The following TTC28 variants were observed in gnomAD, a reference collection of about 807,000 sequenced individuals.
TTC28 encodes the protein tetratricopeptide repeat protein 28.
TTC28 carries 61 observed loss-of-function variants against 198.0 expected under a neutral mutation model. The observed-to-expected ratio is 0.31, with a 90% confidence interval of 0.25 to 0.38. TTC28 has a LOEUF of 0.38. TTC28 is among the 10% of genes least tolerant of loss of function. The pLI, the probability that TTC28 is intolerant of heterozygous loss-of-function variation, is 1.00. For synonymous variants in TTC28, 1,171 were observed against 1,297.8 expected (o/e 0.90, Z 2.10); for missense variants, 2,678 against 3,164.0 (o/e 0.85, Z 3.69).
intron 1 of TTC28, among the ~76,000 whole-genome samples, chr22:28,660,801 G>A (rs1187670663): frequency 2.7e-5 from 4 of 150,818 alleles, no homozygotes; most frequent in Admixed American, 1.3e-4. Context: ...TGGGATTACA[G>A]GCATGAGCCA....
chr22:28,447,254 AAG>A (rs2047716566), intron 2 of TTC28, among the ~76,000 whole-genome samples: 3 of 152,336 alleles, frequency 2.0e-5, no homozygotes, highest in Non-Finnish European at 2.9e-5. Context: ...TTAAAAAAAA[AAG>A]GGAATTGTGA....
chr22:28,167,367 C>T (rs1601417142), intron 5 of TTC28, among the ~76,000 whole-genome samples: 3 of 151,770 alleles, frequency 2.0e-5, no homozygotes, highest in South Asian at 4.2e-4. Context: ...AGAGATACAA[C>T]AAAAAGAGAA....
rs1255054474 is a variant in TTC28, at chr22:28,226,106, T to C, written c.934-62507A>G. Among the ~76,000 whole-genome samples, 3 of 152,366 alleles carry C rather than the reference T, an allele frequency of 2.0e-5. No homozygotes were observed. The South Asian group carries it at 6.2e-4, about 32-fold the overall frequency. On this transcript the variant is annotated intron_variant, in intron 5 of 22. Coordinates refer to ENST00000397906, the MANE Select transcript of TTC28 (RefSeq NM_001145418.2). ...TAGATAAAGCTGCTATGAATGTTCA[T>C]GTACAAATCTTTGTGTAGACGTATG...
intron 1 of TTC28, among the ~76,000 whole-genome samples, chr22:28,660,402 T>A (rs988302643): frequency 2.6e-5 from 4 of 152,174 alleles, no homozygotes; most frequent in African/African-American, 9.7e-5. Context: ...CTCAGCTCAC[T>A]GCAACCTCTG....
At chr22:28,383,267 T>C (rs114879629) in intron 2 of TTC28, among the ~76,000 whole-genome samples, 2,458 of 152,292 alleles carry the variant, frequency 0.016, 89 homozygotes, top group African/African-American at 0.057. Flanking sequence ...ACTTATTACA[T>C]CTATTGCTTT....
intron 13 of TTC28, among the ~76,000 whole-genome samples, chr22:28,019,325 A>G (rs947401461): frequency 1.3e-5 from 2 of 152,166 alleles, no homozygotes; most frequent in African/African-American, 4.8e-5. Flanking sequence ...AATCTCCTCT[A>G]TGTAGGCAAG....
chr22:28,156,786 C>T (rs1229431034), intron 6 of TTC28, among the ~76,000 whole-genome samples: 3 of 152,098 alleles, frequency 2.0e-5, no homozygotes, highest in Non-Finnish European at 4.4e-5. Flanking sequence ...GTTGGGGGTA[C>T]AAAACCTACG....
chr22:27,993,664 A>C, intron 17 of TTC28, 146 bp from the exon 18 acceptor site: 1 of 708,890 alleles, frequency 1.4e-6, no homozygotes, highest in Non-Finnish European at 2.3e-6. Flanking sequence ...TGAGGATGTG[A>C]CACTGGGGCA....
chr22:28,089,931 A>C (rs1401449679), intron 12 of TTC28, among the ~76,000 whole-genome samples: 1 of 151,800 alleles, frequency 6.6e-6, no homozygotes, highest in Non-Finnish European at 1.5e-5. Flanking sequence ...ACATGGACAC[A>C]GGAAGGGGAA....
At position 28,305,353 on chromosome 22, in the gene TTC28, G is replaced by C. The variant is rs555028049; in HGVS notation, c.529+1143C>G. ...CAGCCTGTGGCAAAACCTCAGCTTT[G>C]TAGAGTTTATAAAATCGCATGACAC... On this transcript the variant is annotated intron_variant, in intron 3 of 22. Coordinates refer to ENST00000397906, the MANE Select transcript of TTC28 (RefSeq NM_001145418.2). Among the ~76,000 whole-genome samples, 25 of 152,202 alleles carry C rather than the reference G, an allele frequency of 1.6e-4. No individual in the cohort carries two copies. The East Asian group carries it at 4.8e-3, about 29-fold the overall frequency.
Position 28,107,430 on chromosome 22 carries a change from C to T in TTC28, c.2415G>A (p.Met805Ile), listed in dbSNP as rs948478755. The T allele has an allele frequency of 1.3e-6, 2 of 1,551,716 alleles. No individual in the cohort carries two copies. Among genetic ancestry groups the T allele is most frequent in the Admixed American group, 2.0e-5 (1 of 50,998 alleles). Residue 805 changes from methionine to isoleucine, a missense_variant, in exon 7 of 23, where the codon ATG (methionine) becomes ATA (isoleucine). Around this residue, in one of 8 missense-constraint regions of TTC28, gnomAD observed 775 missense variants for 845.9 expected, o/e 0.92. Transcript: ENST00000397906. ...ATGCCATTGTGTATTTCCCAAGGGC[C>T]ATGTAGACAGCAGCCAGGTGCCCAT... is the stretch of plus-strand genomic sequence containing the variant. ...RAHGHLAAVY[M>I]ALGKYTMAFK...
At chr22:28,119,343 AAC>A (rs1942723327) in intron 6 of TTC28, among the ~76,000 whole-genome samples, 1 of 152,170 alleles carries the variant, frequency 6.6e-6, no homozygotes, top group Non-Finnish European at 1.5e-5. Flanking sequence ...CAAAATAAAA[AAC>A]TGCCACTCCC....
At chr22:28,108,505 G>A in intron 6 of TTC28, 102 bp from the exon 7 acceptor site, 1 of 1,047,472 alleles carries the variant, frequency 9.5e-7, no homozygotes, top group Non-Finnish European at 1.3e-6. Context: ...ATGCAATCCA[G>A]ATGAATTAAA....
At chr22:28,219,462 C>G (rs933020542) in intron 5 of TTC28, among the ~76,000 whole-genome samples, 1 of 150,982 alleles carries the variant, frequency 6.6e-6, no homozygotes, top group Non-Finnish European at 1.5e-5. Context: ...GAGCCAAGAT[C>G]GCACCATTGC....
At chr22:28,020,801 A>G (rs1030066433) in intron 13 of TTC28, among the ~76,000 whole-genome samples, 24 of 151,704 alleles carry the variant, frequency 1.6e-4, no homozygotes, top group Non-Finnish European at 2.6e-4. Context: ...ACACACACAC[A>G]CGCACACACA....
Position 27,993,375 on chromosome 22 carries a change from G to T in TTC28, c.5388C>A (p.Thr1796=). 1 of 1,551,094 alleles carries T rather than the reference G, an allele frequency of 6.4e-7. No individual in the cohort carries two copies. The highest frequency in any genetic ancestry group is 1.2e-5 in the South Asian group (1 of 84,030). ...AGAAGACAGCCGCTGGCAGGCCACT[G>T]GTTGGGGGGTCCAGCCGGAAGCCCA... ...TAVGFRLDPP[T]SGLPAAVFFP... is the part of the protein sequence containing the mutation. The change falls in exon 18 of 23, where the codon ACC becomes ACA. Residue 1796 remains threonine (T), a synonymous_variant. Transcript: ENST00000397906.
At chr22:28,397,545 G>A (rs1441478334) in intron 2 of TTC28, among the ~76,000 whole-genome samples, 1 of 152,228 alleles carries the variant, frequency 6.6e-6, no homozygotes, top group African/African-American at 2.4e-5. Flanking sequence ...GGATGACCAA[G>A]TAAATAGTAT....
chr22:28,526,067 T>C (rs1301250199), intron 2 of TTC28, among the ~76,000 whole-genome samples: 3 of 152,234 alleles, frequency 2.0e-5, no homozygotes, highest in Admixed American at 1.3e-4. Flanking sequence ...CTTAGTACCA[T>C]GTCTGTAAGT....
intron 5 of TTC28, among the ~76,000 whole-genome samples, chr22:28,234,322 G>A (rs915087551): frequency 4.6e-5 from 7 of 150,888 alleles, no homozygotes; most frequent in Non-Finnish European, 1.0e-4. Context: ...GATTACAGGC[G>A]TGAGCCACCA....
Sources: allele counts gnomAD v4.1 joint callset (sites outside exome capture counted in the v4.1 genomes callset), GRCh38; gene constraint gnomAD v4.1.1; regional missense constraint gnomAD v4.1.1; transcripts MANE v1.5; gene names NCBI Gene and HGNC (gene_info 2026-07-23, HGNC 2026-07-21).